Variants in MARCHF1 observed in about 807,000 individuals in gnomAD.
MARCHF1 encodes the protein E3 ubiquitin-protein ligase MARCHF1.
MARCHF1 carries 40 observed loss-of-function variants against 54.2 expected under a neutral mutation model. The observed-to-expected ratio is 0.74, with a 90% CI of 0.57 to 0.96. The LOEUF (loss-of-function observed/expected upper bound fraction) is 0.96. MARCHF1 is among the 40% of genes least tolerant of loss of function. The pLI is 0.00. For synonymous variants in MARCHF1, 236 were observed against 236.3 expected, an observed-to-expected ratio of 1.00 and a Z score of 0.01; for missense variants, 586 against 656.5, an observed-to-expected ratio of 0.89 and a Z score of 1.17.
intron 2 of MARCHF1, among the ~76,000 whole-genome samples, chr4:164,038,046 A>C (rs1367497956): frequency 6.6e-6 from 1 of 152,190 alleles, no homozygotes; most frequent in East Asian, 1.9e-4. Flanking sequence ...TGTGATTAAA[A>C]TGTTCTGTGC....
intron 3 of MARCHF1, among the ~76,000 whole-genome samples, chr4:163,926,092 T>TA (rs1284616180): frequency 6.6e-6 from 1 of 151,602 alleles, no homozygotes. Flanking sequence ...TATGCCTTCT[T>TA]ACATATAACA....
intron 1 of MARCHF1, among the ~76,000 whole-genome samples, chr4:164,199,895 G>A (rs111405876): frequency 6.6e-6 from 1 of 152,070 alleles, no homozygotes; most frequent in East Asian, 1.9e-4. Context: ...TGCTCCCATG[G>A]CACAGTACTT....
intron 4 of MARCHF1, among the ~76,000 whole-genome samples, chr4:163,820,762 A>C (rs185949107): frequency 6.6e-6 from 1 of 152,124 alleles, no homozygotes; most frequent in East Asian, 1.9e-4. Context: ...TTGACTTTAT[A>C]ATTTTCATAT....
chr4:163,615,088 A>G (rs1175286941), intron 5 of MARCHF1, among the ~76,000 whole-genome samples: 1 of 152,068 alleles, frequency 6.6e-6, no homozygotes, highest in East Asian at 1.9e-4. Context: ...ACAAAGCCCC[A>G]GGGAAATGCA....
At chr4:163,795,098 A>G (rs1219228360) in intron 4 of MARCHF1, among the ~76,000 whole-genome samples, 2 of 152,208 alleles carry the variant, frequency 1.3e-5, no homozygotes, top group Admixed American at 6.5e-5. Context: ...AAAAATGTCA[A>G]TTTGTGAAAT....
intron 4 of MARCHF1, among the ~76,000 whole-genome samples, chr4:163,850,763 A>G (rs1749618914): frequency 6.6e-6 from 1 of 152,222 alleles, no homozygotes; most frequent in Non-Finnish European, 1.5e-5. Context: ...TGGGCTGGCA[A>G]TACTCAAAAG....
chr4:164,167,636 C>T (rs1389969123), intron 1 of MARCHF1, among the ~76,000 whole-genome samples: 1 of 151,666 alleles, frequency 6.6e-6, no homozygotes, highest in Non-Finnish European at 1.5e-5. Context: ...CATATAAGGG[C>T]AATTAATTTT....
intron 3 of MARCHF1, among the ~76,000 whole-genome samples, chr4:163,855,370 G>A (rs1029052948): frequency 1.3e-5 from 2 of 152,166 alleles, no homozygotes; most frequent in Non-Finnish European, 2.9e-5. Context: ...CAAATTATTA[G>A]TGCTTGGCCT....
At chr4:164,127,849 G>C (rs1756218269) in intron 1 of MARCHF1, among the ~76,000 whole-genome samples, 1 of 152,064 alleles carries the variant, frequency 6.6e-6, no homozygotes, top group African/African-American at 2.4e-5. Flanking sequence ...AACTCTAACA[G>C]GTTGATACTA....
At chr4:164,356,585 G>T (rs1730544989) in intron 1 of MARCHF1, among the ~76,000 whole-genome samples, 1 of 139,352 alleles carries the variant, frequency 7.2e-6, no homozygotes, top group African/African-American at 2.6e-5. Context: ...ATGGACACAT[G>T]AAGGGGATCA....
chr4:163,831,148 G>A (rs1181950589), intron 4 of MARCHF1, among the ~76,000 whole-genome samples: 2 of 152,196 alleles, frequency 1.3e-5, no homozygotes, highest in East Asian at 1.9e-4. Context: ...GACTCCTGGT[G>A]TAGTTTCTGT....
At chr4:164,023,490 T>G (rs988537662) in intron 2 of MARCHF1, among the ~76,000 whole-genome samples, 8 of 152,000 alleles carry the variant, frequency 5.3e-5, no homozygotes, top group African/African-American at 1.9e-4. Context: ...TATAGACCCA[T>G]GTGACACAAA....
rs186251511 is a variant in MARCHF1 at position 163,720,778 on chromosome 4, C to T, written c.112-19915G>A. On this transcript the variant is annotated intron_variant, in intron 4 of 9. Transcript: ENST00000514618. ...AAGTTGGATTCCTAGGTATTTTATTCTCTTTGAAGCAATTGTGAATGGGAG... is the reference window on the plus strand; with the variant it reads ...AAGTTGGATTCCTAGGTATTTTATTTTCTTTGAAGCAATTGTGAATGGGAG... Among the ~76,000 whole-genome samples, 408 of 152,240 alleles carry T rather than the reference C, an allele frequency of 2.7e-3. 7 individuals are homozygous for T. The highest frequency in any genetic ancestry group is 0.014 in the Middle Eastern group (4 of 294).
At chr4:164,301,331 A>T (rs997673841) in intron 1 of MARCHF1, among the ~76,000 whole-genome samples, 2 of 152,220 alleles carry the variant, frequency 1.3e-5, no homozygotes, top group Non-Finnish European at 2.9e-5. Context: ...TTGACAAATG[A>T]AGAAAATGAA....
At chr4:163,594,371 A>G (rs1231096324) in intron 7 of MARCHF1, among the ~76,000 whole-genome samples, 1 of 151,504 alleles carries the variant, frequency 6.6e-6, no homozygotes, top group Non-Finnish European at 1.5e-5. Context: ...TATTTAGTAT[A>G]TACAATAATA....
intron 2 of MARCHF1, among the ~76,000 whole-genome samples, chr4:164,075,589 T>C (rs2321211): frequency 0.81 from 122,839 of 152,160 alleles, 50,040 homozygotes; most frequent in Non-Finnish European, 0.85. Flanking sequence ...ATTAAAGTAC[T>C]GTGGTCGTTT....
At chr4:163,881,079 G>A (rs1032452723) in intron 3 of MARCHF1, among the ~76,000 whole-genome samples, 9 of 152,150 alleles carry the variant, frequency 5.9e-5, no homozygotes, top group African/African-American at 2.2e-4. Flanking sequence ...AAAGACATGG[G>A]AGCTGGAAAT....
chr4:164,184,085 CAT>C (rs1482001730), intron 1 of MARCHF1, among the ~76,000 whole-genome samples: 1 of 151,982 alleles, frequency 6.6e-6, no homozygotes, highest in African/African-American at 2.4e-5. Flanking sequence ...AATGGGAAAA[CAT>C]AAGAAATTTT....
intron 8 of MARCHF1, among the ~76,000 whole-genome samples, chr4:163,550,061 T>C (rs1026307458): frequency 2.6e-5 from 4 of 151,980 alleles, no homozygotes; most frequent in Admixed American, 2.0e-4. Context: ...GGCGGGCGGA[T>C]TGCCTGAGCG....
Sources: gnomAD v4.1 joint callset for allele counts (sites outside exome capture counted in the v4.1 genomes callset) on GRCh38, gnomAD v4.1.1 for gene constraint, MANE v1.5 for transcripts, NCBI Gene and HGNC (gene_info 2026-07-23, HGNC 2026-07-21) for gene names.